Variants in BAZ2B observed in about 807,000 individuals in gnomAD.
The protein encoded by BAZ2B is bromodomain adjacent to zinc finger domain protein 2B.
BAZ2B carries 91 observed loss-of-function variants against 246.0 expected under a neutral mutation model. The ratio of observed to expected loss-of-function variants is 0.37; its 90% CI spans 0.31 to 0.44. BAZ2B has a LOEUF of 0.44. Ranked by LOEUF, BAZ2B falls within the 20% of genes least tolerant of loss-of-function variation. The probability of loss-of-function intolerance (pLI) is 1.00; values close to 1 mark genes in which losing one functional copy is unlikely to be tolerated. For missense variants in BAZ2B, 2,332 were observed against 2,533.7 expected (o/e 0.92, Z 1.71); for synonymous variants, 855 against 860.0 (o/e 0.99, Z 0.10).
At chr2:159,519,221 T>C (rs2083794748) in intron 2 of BAZ2B, among the ~76,000 whole-genome samples, 1 of 39,294 alleles carries the variant, frequency 2.5e-5, no homozygotes, top group Non-Finnish European at 6.8e-5. Flanking sequence ...TTTTTTTTTT[T>C]TTTTTTTTTT....
the BAZ2B span, chr2:159,670,758 A>G: frequency 6.6e-6 from 1 of 152,150 alleles, no homozygotes; most frequent in East Asian, 1.9e-4. Context: ...TTCTGTTAAT[A>G]TCATTTCTTG....
the BAZ2B span, among the ~76,000 whole-genome samples, chr2:159,667,111 G>T: frequency 6.8e-6 from 1 of 146,642 alleles, no homozygotes; most frequent in Non-Finnish European, 1.5e-5. Flanking sequence ...AAAAGACTAA[G>T]AATAATTTTC....
intron 2 of BAZ2B, among the ~76,000 whole-genome samples, chr2:159,489,662 G>A (rs2080229127): frequency 6.6e-6 from 1 of 152,102 alleles, no homozygotes; most frequent in Admixed American, 6.5e-5. Flanking sequence ...TCAGCACTTT[G>A]GGAGGTCTGG....
intron 27 of BAZ2B, among the ~76,000 whole-genome samples, chr2:159,352,197 C>T (rs186419861): frequency 4.3e-4 from 65 of 152,250 alleles, no homozygotes; most frequent in African/African-American, 1.4e-3. Context: ...AGTTCTTGCC[C>T]TTCTCAGAGC....
At chr2:159,569,538 G>C (rs13003234) in intron 1 of BAZ2B, among the ~76,000 whole-genome samples, 1 of 151,950 alleles carries the variant, frequency 6.6e-6, no homozygotes, top group Non-Finnish European at 1.5e-5. Context: ...GCATTTTTTT[G>C]AGAGTTGGTA....
At chr2:159,410,472 C>T (rs772854648) in intron 14 of BAZ2B, among the ~76,000 whole-genome samples, 19 of 152,086 alleles carry the variant, frequency 1.2e-4, no homozygotes, top group East Asian at 1.9e-4. Context: ...TGCTAGTTTT[C>T]GAAGTGGTGG....
intron 1 of BAZ2B, among the ~76,000 whole-genome samples, chr2:159,602,433 TATAAACTTACAGTCA>T (rs1692377758): frequency 6.6e-6 from 1 of 152,248 alleles, no homozygotes; most frequent in South Asian, 2.1e-4. Flanking sequence ...AATTAAATTA[TATAAACTTACAGTCA>T]ATAAATTATA....
intron 25 of BAZ2B, among the ~76,000 whole-genome samples, chr2:159,376,217 A>G (rs2061400453): frequency 2.0e-5 from 3 of 152,218 alleles, no homozygotes; most frequent in South Asian, 4.1e-4. Flanking sequence ...GGACTAAGTA[A>G]GAACAGATCT....
At chr2:159,447,218 G>A (rs575649036) in intron 5 of BAZ2B, among the ~76,000 whole-genome samples, 69 of 152,164 alleles carry the variant, frequency 4.5e-4, no homozygotes, top group Non-Finnish European at 8.2e-4. Context: ...ACTGCTTAAT[G>A]GGTACAAAGT....
intron 27 of BAZ2B, among the ~76,000 whole-genome samples, chr2:159,369,300 G>A (rs2060563926): frequency 6.6e-6 from 1 of 152,194 alleles, no homozygotes; most frequent in South Asian, 2.1e-4. Flanking sequence ...TCAGTGAGTA[G>A]ACTGGACTAG....
At chr2:159,469,782 TACA>T (rs1042797271) in intron 3 of BAZ2B, among the ~76,000 whole-genome samples, 4 of 152,094 alleles carry the variant, frequency 2.6e-5, no homozygotes, top group East Asian at 3.9e-4. Context: ...TTTAGTATCT[TACA>T]ACAACAACAA....
At chr2:159,709,520 A>G in the BAZ2B span, among the ~76,000 whole-genome samples, 3 of 152,246 alleles carry the variant, frequency 2.0e-5, no homozygotes, top group Non-Finnish European at 4.4e-5. Flanking sequence ...CCTTGACTTG[A>G]TCATTACACA....
the BAZ2B span, among the ~76,000 whole-genome samples, chr2:159,663,821 G>T: frequency 6.2e-4 from 88 of 141,498 alleles, no homozygotes; most frequent in African/African-American, 2.1e-3. Context: ...CCGGCTGCCT[G>T]TTGCTAACTT....
the BAZ2B span, among the ~76,000 whole-genome samples, chr2:159,670,274 T>C: frequency 6.6e-6 from 1 of 152,160 alleles, no homozygotes; most frequent in Non-Finnish European, 1.5e-5. Context: ...CCCAGCCTCT[T>C]TTCTACTTTT....
chr2:159,452,921 G>A (rs1401760506), intron 4 of BAZ2B, among the ~76,000 whole-genome samples: 1 of 152,040 alleles, frequency 6.6e-6, no homozygotes, highest in Non-Finnish European at 1.5e-5. Context: ...CCAACATGGC[G>A]AAACCCCGTC....
At chr2:159,498,692 GTTA>G (rs2081405265) in intron 2 of BAZ2B, among the ~76,000 whole-genome samples, 1 of 152,166 alleles carries the variant, frequency 6.6e-6, no homozygotes, top group Middle Eastern at 3.4e-3. Context: ...TACACAAAAA[GTTA>G]TTATTATAAT....
the BAZ2B span, among the ~76,000 whole-genome samples, chr2:159,682,991 CTT>C: frequency 6.8e-6 from 1 of 146,880 alleles, no homozygotes; most frequent in Non-Finnish European, 1.5e-5. Flanking sequence ...TTTTAAATCT[CTT>C]TGTTATTTTT....
Position 159,478,646 on chromosome 2 carries a change from A to C in BAZ2B, c.74T>G (p.Val25Gly). The C allele has an allele frequency of 6.2e-7, 1 of 1,611,548 alleles. No individual in the cohort carries two copies. The highest frequency in any genetic ancestry group is 8.5e-7 in the Non-Finnish European group (1 of 1,178,482). ...GCCACCTTTTGAAACTACTGAAGCCACAGAAGGTGTCGAAGATGAAGTTGG... is the reference window on the plus strand; with the variant it reads ...GCCACCTTTTGAAACTACTGAAGCCCCAGAAGGTGTCGAAGATGAAGTTGG... ...TTPTSSSTPS[V>G]ASVVSKGGLS... Residue 25 changes from valine to glycine, a missense_variant, in exon 3 of 37, where the codon GTG becomes GGG. Transcript: ENST00000392783.
At chr2:159,613,826 ACTCAACTCAGTCAAGCTTTCTATATAGC>A (rs1695238562) in intron 1 of BAZ2B, among the ~76,000 whole-genome samples, 1 of 152,202 alleles carries the variant, frequency 6.6e-6, no homozygotes, top group African/African-American at 2.4e-5. Flanking sequence ...AATGGCAGAC[ACTCAACTCAGTCAAGCTTTCTATATAGC>A]ATATTACATG....
Sources: gnomAD v4.1 joint callset for allele counts (sites outside exome capture counted in the v4.1 genomes callset) on GRCh38, gnomAD v4.1.1 for gene constraint, MANE v1.5 for transcripts, NCBI Gene and HGNC (gene_info 2026-07-23, HGNC 2026-07-21) for gene names.